The following NRDC variants were observed in gnomAD, a reference collection of about 807,000 sequenced individuals.
The protein encoded by NRDC is nardilysin.
In NRDC, 54 loss-of-function variants were observed where a neutral mutation model predicts 147.1. The observed-to-expected ratio is 0.37, with a 90% CI of 0.29 to 0.46. The LOEUF (loss-of-function observed/expected upper bound fraction) is 0.46, where lower values mean the gene tolerates loss of function less well. Ranked by LOEUF, NRDC falls within the 20% of genes least tolerant of loss-of-function variation. The pLI is 1.00. For missense variants in NRDC, 1,082 were observed against 1,370.6 expected (o/e 0.79, Z 3.33); for synonymous variants, 440 against 482.1 (o/e 0.91, Z 1.14).
intron 4 of NRDC, among the ~76,000 whole-genome samples, chr1:51,829,860 T>TA (rs769260248): frequency 7.2e-5 from 11 of 152,232 alleles, no homozygotes; most frequent in Non-Finnish European, 1.6e-4. Flanking sequence ...CAATTTTTTT[T>TA]ATCATAGTTC....
Position 51,837,398 on chromosome 1 carries a change from G to A in NRDC, c.631-1186C>T. 5.6e-6 allele frequency: 7 copies of A among 1,243,310 alleles called. No homozygotes were observed. The South Asian group carries it at 1.8e-4, about 33-fold the overall frequency. 77.0% of individuals were successfully genotyped at this position (1,243,310 alleles called of 1,614,324 possible). ...TATAAACCCCATTTTGAAGACTTAG[G>A]CACATAAACTCAGTTAAAACATTGG... On this transcript the variant is annotated intron_variant, in intron 2 of 30. Coordinates refer to ENST00000352171, the MANE Select transcript of NRDC (RefSeq NM_001101662.2).
chr1:51,812,085 T>G lies in NRDC; in HGVS notation c.1688A>C (p.Glu563Ala). Residue 563 changes from glutamate to alanine, a missense_variant, in exon 15 of 31, where the codon GAG becomes GCG. By Grantham distance (107) the Glu-to-Ala change is moderately radical (BLOSUM62 -1). This residue lies in a region of NRDC where 635 missense variants were observed against 923.8 expected (regional missense o/e 0.69). Transcript: ENST00000352171. ...FHYQEQTDPV[E>A]YVENMCENMQ... ...GTTCTCACACATGTTTTCCACATAC[T>G]CAACTGGATCTGTCTGTAAAGAGGT... The G allele has an allele frequency of 6.2e-7, 1 of 1,612,812 alleles. No homozygotes were observed. The highest frequency in any genetic ancestry group is 8.5e-7 in the Non-Finnish European group (1 of 1,178,788).
At chr1:51,791,760 T>G (rs1678669252) in intron 26 of NRDC, 99 bp from the exon 27 acceptor site, 1 of 981,884 alleles carries the variant, frequency 1.0e-6, no homozygotes, top group African/African-American at 1.6e-5. Flanking sequence ...TGCCCATCCT[T>G]ATTGGAACTG....
chr1:51,818,786 A>C (rs1438203456), intron 9 of NRDC, among the ~76,000 whole-genome samples: 4 of 152,084 alleles, frequency 2.6e-5, no homozygotes, highest in Admixed American at 1.3e-4. Context: ...TAAAAACAGA[A>C]AAAAAAATCT....
At chr1:51,853,318 T>C (rs909337432) in intron 1 of NRDC, among the ~76,000 whole-genome samples, 3 of 152,066 alleles carry the variant, frequency 2.0e-5, no homozygotes, top group Admixed American at 2.0e-4. Context: ...AATGAGACTC[T>C]GCCTCTATAT....
chr1:51,846,285 T>TG (rs1400927585), intron 1 of NRDC, among the ~76,000 whole-genome samples: 1 of 152,066 alleles, frequency 6.6e-6, no homozygotes, highest in Non-Finnish European at 1.5e-5. Context: ...GTTAATTTTT[T>TG]TATTTTTAAT....
At chr1:51,846,339 C>T (rs1431809106) in intron 1 of NRDC, among the ~76,000 whole-genome samples, 2 of 152,234 alleles carry the variant, frequency 1.3e-5, no homozygotes, top group African/African-American at 2.4e-5. Context: ...GTCTCAAATT[C>T]CTGACCTCAA....
intron 26 of NRDC, 43 bp from the exon 27 acceptor site, chr1:51,791,704 CT>C (rs748111114): frequency 1.3e-6 from 2 of 1,490,664 alleles, no homozygotes; most frequent in Admixed American, 3.3e-5. Context: ...AGGTGATCAT[CT>C]GGGCCCTGGC....
intron 1 of NRDC, among the ~76,000 whole-genome samples, chr1:51,868,354 G>A (rs1171867795): frequency 6.6e-6 from 1 of 151,942 alleles, no homozygotes; most frequent in Non-Finnish European, 1.5e-5. Context: ...TATGACCAAA[G>A]AAAACATGTG....
intron 1 of NRDC, among the ~76,000 whole-genome samples, chr1:51,846,049 G>T (rs1681553720): frequency 1.3e-5 from 2 of 151,608 alleles, no homozygotes; most frequent in South Asian, 2.1e-4. Flanking sequence ...AAATCAAATG[G>T]AATGGTAATG....
At chr1:51,839,955 C>A in intron 2 of NRDC, 1 of 268,584 alleles carries the variant, frequency 3.7e-6, no homozygotes. Context: ...AATTCAAATA[C>A]CTCTGAGTGT....
Position 51,823,752 on chromosome 1 carries a change from C to CT in NRDC, c.1070dup (p.Asn358GlufsTer2). ...ATCTAGCATGTGTATCAATATTATT[C>CT]TTTCTTGGCTCATGCTTGAGCGTCT... is the stretch of plus-strand genomic sequence containing the variant. On this transcript the variant is annotated frameshift_variant, in exon 7 of 31. Coordinates refer to ENST00000352171, the MANE Select transcript of NRDC (RefSeq NM_001101662.2). LOFTEE classifies it high-confidence loss of function. The CT allele has an allele frequency of 6.2e-7, 1 of 1,607,220 alleles. No homozygotes were observed. Among genetic ancestry groups the CT allele is most frequent in the Non-Finnish European group, 8.5e-7 (1 of 1,174,730 alleles).
intron 7 of NRDC, among the ~76,000 whole-genome samples, chr1:51,822,218 C>T (rs1385540243): frequency 6.6e-6 from 1 of 152,104 alleles, no homozygotes; most frequent in Non-Finnish European, 1.5e-5. Flanking sequence ...CTACCAGGCA[C>T]ATGAATTTCA....
In NRDC at chr1:51,814,032, T is replaced by C. The variant is rs1290408196; in HGVS notation, c.1674+3A>G. On this transcript the variant is annotated splice_donor_region_variant and intron_variant, in intron 14 of 30. Coordinates refer to ENST00000352171, the MANE Select transcript of NRDC (RefSeq NM_001101662.2). ...CATGCAAAAAGAATTTGACTTCCAGTACCTGTTCTTGGTAATGAAATTCAT... is the reference window on the plus strand; with the variant it reads ...CATGCAAAAAGAATTTGACTTCCAGCACCTGTTCTTGGTAATGAAATTCAT... 6.3e-7 allele frequency: 1 copy of C among 1,590,890 alleles called. No individual in the cohort carries two copies. Among genetic ancestry groups the C allele is most frequent in the African/African-American group, 1.3e-5 (1 of 74,316 alleles).
intron 1 of NRDC, among the ~76,000 whole-genome samples, chr1:51,851,858 G>A (rs1418276041): frequency 6.6e-6 from 1 of 152,138 alleles, no homozygotes; most frequent in Non-Finnish European, 1.5e-5. Flanking sequence ...ATCCCCTCCA[G>A]GAACAGCAGT....
At chr1:51,807,796 CTT>C (rs35756457) in intron 17 of NRDC, among the ~76,000 whole-genome samples, 91 of 127,412 alleles carry the variant, frequency 7.1e-4, no homozygotes, top group African/African-American at 2.1e-3. Flanking sequence ...ATAATTAATA[CTT>C]TTTTTTTTTT....
intron 6 of NRDC, among the ~76,000 whole-genome samples, chr1:51,824,917 C>A (rs547706286): frequency 3.4e-4 from 52 of 152,262 alleles, no homozygotes; most frequent in African/African-American, 1.1e-3. Context: ...CCTCCCAAAG[C>A]ATTGGGATTA....
At chr1:51,840,194 C>T (rs779052599) in intron 2 of NRDC, 32 bp downstream of exon 2, 2 of 1,543,926 alleles carry the variant, frequency 1.3e-6, no homozygotes, top group Non-Finnish European at 1.7e-6. Context: ...CAAAGAATTC[C>T]CAAATTAGAA....
At chr1:51,854,149 C>A (rs1217245209) in intron 1 of NRDC, among the ~76,000 whole-genome samples, 1 of 152,114 alleles carries the variant, frequency 6.6e-6, no homozygotes, top group Non-Finnish European at 1.5e-5. Context: ...GCGGGTGGAT[C>A]ACGAGGTCAG....
Sources: allele counts gnomAD v4.1 joint callset (sites outside exome capture counted in the v4.1 genomes callset), GRCh38; gene constraint gnomAD v4.1.1; regional missense constraint gnomAD v4.1.1; transcripts MANE v1.5; gene names NCBI Gene and HGNC (gene_info 2026-07-23, HGNC 2026-07-21).